Variants in GALNTL6 observed in about 807,000 individuals in gnomAD.
GALNTL6 encodes polypeptide N-acetylgalactosaminyltransferase-like 6.
A neutral mutation model predicts 73.7 loss-of-function variants in GALNTL6; 46 were observed. That is an observed-to-expected ratio of 0.62 (90% CI 0.49 to 0.80). The LOEUF is 0.80. GALNTL6 is among the 30% of genes least tolerant of loss of function. The probability of loss-of-function intolerance (pLI) is 0.00; values close to 1 mark genes in which losing one functional copy is unlikely to be tolerated. For missense variants in GALNTL6, 604 were observed against 755.0 expected (o/e 0.80, Z 2.34); for synonymous variants, 259 against 263.7 (o/e 0.98, Z 0.17).
intron 5 of GALNTL6, among the ~76,000 whole-genome samples, chr4:172,765,904 T>C (rs1437336515): frequency 1.3e-5 from 2 of 152,030 alleles, no homozygotes. Context: ...ACCATATTTT[T>C]TAAAAAAAGA....
chr4:171,899,259 G>A (rs1483696740), intron 2 of GALNTL6, among the ~76,000 whole-genome samples: 1 of 151,934 alleles, frequency 6.6e-6, no homozygotes, highest in Non-Finnish European at 1.5e-5. Flanking sequence ...CTCCCAAGGT[G>A]GTTACCCCTA....
At chr4:172,276,692 A>G (rs1354128186) in intron 3 of GALNTL6, among the ~76,000 whole-genome samples, 1 of 151,956 alleles carries the variant, frequency 6.6e-6, no homozygotes, top group Non-Finnish European at 1.5e-5. Context: ...TTGTGTTTGT[A>G]TTTGCCTGTG....
chr4:172,071,961 A>G (rs1420301987), intron 2 of GALNTL6, among the ~76,000 whole-genome samples: 3 of 152,148 alleles, frequency 2.0e-5, no homozygotes, highest in Admixed American at 6.5e-5. Flanking sequence ...TTTGGGATCA[A>G]TTGTTACAGA....
intron 2 of GALNTL6, among the ~76,000 whole-genome samples, chr4:172,112,809 G>A (rs1337427963): frequency 6.6e-6 from 1 of 151,684 alleles, no homozygotes; most frequent in Non-Finnish European, 1.5e-5. Flanking sequence ...TATAAAAGAG[G>A]CCCCACAAAG....
At chr4:172,414,544 T>C (rs73871716) in intron 5 of GALNTL6, among the ~76,000 whole-genome samples, 4,599 of 152,270 alleles carry the variant, frequency 0.03, 230 homozygotes, top group African/African-American at 0.1. Context: ...ATTCACACGA[T>C]GATCTGTAGG....
chr4:172,662,828 A>G (rs925727375), intron 5 of GALNTL6, among the ~76,000 whole-genome samples: 2 of 152,216 alleles, frequency 1.3e-5, no homozygotes, highest in African/African-American at 4.8e-5. Context: ...AAGTAAGAAG[A>G]AAATGAAACA....
rs1225750101 is a variant in GALNTL6 at position 172,212,462 on chromosome 4, G to A, written c.139-17194G>A. Among the ~76,000 whole-genome samples, 10 of 152,126 alleles carry A rather than the reference G, an allele frequency of 6.6e-5. No individual in the cohort carries two copies. The East Asian group carries it at 9.7e-4, about 15-fold the overall frequency. On this transcript the variant is annotated intron_variant, in intron 2 of 12. Coordinates refer to ENST00000506823, the MANE Select transcript of GALNTL6 (RefSeq NM_001034845.3). ...GCATGAGTTACCTCGCCCAGCCAATGATTAGCTTTCTAATTAGCATACATT... is the reference window on the plus strand; with the variant it reads ...GCATGAGTTACCTCGCCCAGCCAATAATTAGCTTTCTAATTAGCATACATT...
chr4:172,393,940 G>A (rs1254582447), intron 5 of GALNTL6, among the ~76,000 whole-genome samples: 1 of 152,004 alleles, frequency 6.6e-6, no homozygotes, highest in Non-Finnish European at 1.5e-5. Context: ...TTGATAAATG[G>A]AATATATATT....
chr4:171,872,520 C>A (rs1736166163), intron 2 of GALNTL6, among the ~76,000 whole-genome samples: 1 of 152,110 alleles, frequency 6.6e-6, no homozygotes, highest in Non-Finnish European at 1.5e-5. Flanking sequence ...CAAAGTAACA[C>A]AAACTGAGTG....
At chr4:172,749,924 C>A (rs1404269772) in intron 5 of GALNTL6, among the ~76,000 whole-genome samples, 4 of 152,022 alleles carry the variant, frequency 2.6e-5, no homozygotes, top group Non-Finnish European at 5.9e-5. Flanking sequence ...TAGCTTTTTT[C>A]AACTATATCC....
chr4:172,629,199 T>C (rs1739285498), intron 5 of GALNTL6, among the ~76,000 whole-genome samples: 1 of 152,214 alleles, frequency 6.6e-6, no homozygotes, highest in African/African-American at 2.4e-5. Context: ...TCTGTTTTAA[T>C]TTGTGGTTCA....
intron 3 of GALNTL6, among the ~76,000 whole-genome samples, chr4:172,259,866 TC>T (rs1211372384): frequency 6.6e-6 from 1 of 151,740 alleles, no homozygotes; most frequent in Non-Finnish European, 1.5e-5. Context: ...GACTATGGTA[TC>T]CTTTCCCTAA....
intron 5 of GALNTL6, among the ~76,000 whole-genome samples, chr4:172,784,851 T>C (rs61370057): frequency 1.3e-5 from 2 of 152,312 alleles, no homozygotes; most frequent in East Asian, 3.9e-4. Flanking sequence ...TTGGGAATGC[T>C]AGATGCTACC....
intron 2 of GALNTL6, among the ~76,000 whole-genome samples, chr4:172,030,788 CG>C (rs1352512396): frequency 6.6e-6 from 1 of 150,924 alleles, no homozygotes; most frequent in Non-Finnish European, 1.5e-5. Flanking sequence ...TGCATATTAC[CG>C]TATTTCACAC....
At chr4:171,971,715 T>C (rs1739575343) in intron 2 of GALNTL6, among the ~76,000 whole-genome samples, 1 of 152,220 alleles carries the variant, frequency 6.6e-6, no homozygotes, top group South Asian at 2.1e-4. Context: ...TTTAAAGTCC[T>C]ATATTTGAAT....
intron 5 of GALNTL6, among the ~76,000 whole-genome samples, chr4:172,565,357 A>G (rs13122189): frequency 0.46 from 70,482 of 151,996 alleles, 18,061 homozygotes; most frequent in East Asian, 0.67. Flanking sequence ...TGAGATGATC[A>G]TGTGATTTTT....
intron 3 of GALNTL6, among the ~76,000 whole-genome samples, chr4:172,292,636 T>G (rs1739515197): frequency 6.6e-6 from 1 of 152,118 alleles, no homozygotes; most frequent in Non-Finnish European, 1.5e-5. Context: ...CCTATAGTTA[T>G]TAGATACCGA....
chr4:172,748,459 T>G (rs959612296), intron 5 of GALNTL6, among the ~76,000 whole-genome samples: 1 of 151,890 alleles, frequency 6.6e-6, no homozygotes, highest in Non-Finnish European at 1.5e-5. Context: ...GTGGCCCCAG[T>G]CAAGAATATA....
intron 5 of GALNTL6, among the ~76,000 whole-genome samples, chr4:172,744,982 A>G (rs913664491): frequency 2.6e-5 from 4 of 152,004 alleles, no homozygotes; most frequent in African/African-American, 4.8e-5. Context: ...TGATTTTAGT[A>G]TAATAATCAA....
Sources: gnomAD v4.1 joint callset for allele counts (sites outside exome capture counted in the v4.1 genomes callset) on GRCh38, gnomAD v4.1.1 for gene constraint, MANE v1.5 for transcripts, NCBI Gene and HGNC (gene_info 2026-07-23, HGNC 2026-07-21) for gene names.